Variants in LRCH1 observed in about 807,000 individuals in gnomAD.
The protein encoded by LRCH1 is leucine rich repeats and calponin homology domain containing 1, also known as leucine-rich repeat and calponin homology domain-containing protein 1.
LRCH1 carries 23 observed loss-of-function variants against 94.9 expected under a neutral mutation model. The ratio of observed to expected loss-of-function variants is 0.24; its 90% CI spans 0.17 to 0.34. LRCH1 has a LOEUF of 0.34. Among genes scored for constraint, LRCH1 ranks in the 10% least tolerant of loss-of-function variants. The pLI, the probability that LRCH1 is intolerant of heterozygous loss-of-function variation, is 1.00. For missense variants in LRCH1, 790 were observed against 945.9 expected, an observed-to-expected ratio of 0.84 and a Z score of 2.16; for synonymous variants, 364 against 354.9, an observed-to-expected ratio of 1.03 and a Z score of -0.29.
intron 1 of LRCH1, among the ~76,000 whole-genome samples, chr13:46,577,541 C>A (rs1256621632): frequency 6.6e-6 from 1 of 152,160 alleles, no homozygotes; most frequent in Non-Finnish European, 1.5e-5. Flanking sequence ...ACAGGTCCTA[C>A]CTATACTCAA....
chr13:46,712,154 G>T (rs894213680), intron 14 of LRCH1, among the ~76,000 whole-genome samples: 8 of 152,210 alleles, frequency 5.3e-5, no homozygotes, highest in African/African-American at 1.7e-4. Context: ...GTGTGATTCA[G>T]TATTACTGAG....
At chr13:46,658,839 A>G (rs1027754131) in intron 2 of LRCH1, among the ~76,000 whole-genome samples, 17 of 152,182 alleles carry the variant, frequency 1.1e-4, no homozygotes, top group African/African-American at 3.9e-4. Flanking sequence ...TAATTTAGTT[A>G]TATTGTGTCA....
At chr13:46,565,517 T>C (rs1327619901) in intron 1 of LRCH1, among the ~76,000 whole-genome samples, 1 of 152,120 alleles carries the variant, frequency 6.6e-6, no homozygotes, top group African/African-American at 2.4e-5. Flanking sequence ...AGGTTTGATT[T>C]AATTTCTGCT....
chr13:46,570,648 A>G (rs979039255), intron 1 of LRCH1, among the ~76,000 whole-genome samples: 1 of 152,276 alleles, frequency 6.6e-6, no homozygotes, highest in Non-Finnish European at 1.5e-5. Context: ...AACAAAAACA[A>G]AAGTTCCTTT....
chr13:46,553,388 C>G lies in LRCH1; in HGVS notation c.-9C>G, dbSNP rs781211874. 9.8e-6 allele frequency: 15 copies of G among 1,526,590 alleles called. No homozygotes were observed. The South Asian group carries it at 1.7e-4, about 17-fold the overall frequency. The allele number at this position is 1,526,590 out of a possible 1,614,324, so 94.6% of individuals were successfully genotyped here. On this transcript the variant is annotated 5_prime_UTR_variant, in exon 1 of 20. Coordinates refer to ENST00000389797, the MANE Select transcript of LRCH1 (RefSeq NM_001164211.2). Reference sequence around the variant, plus strand: ...AGCGGCGGGGCGGGGTGGGGGGGCCCGGGAGAAGATGGCGACGCCGGGAAG... The same window carrying G: ...AGCGGCGGGGCGGGGTGGGGGGGCCGGGGAGAAGATGGCGACGCCGGGAAG...
intron 1 of LRCH1, among the ~76,000 whole-genome samples, chr13:46,614,275 C>G (rs924447968): frequency 2.0e-5 from 3 of 152,164 alleles, no homozygotes; most frequent in Non-Finnish European, 4.4e-5. Flanking sequence ...TTCCCTGCCC[C>G]TCCCGATTAT....
At chr13:46,574,935 A>C (rs1250266285) in intron 1 of LRCH1, among the ~76,000 whole-genome samples, 1 of 151,194 alleles carries the variant, frequency 6.6e-6, no homozygotes, top group African/African-American at 2.4e-5. Context: ...TGGCAGTGGT[A>C]ATAATAAATA....
chr13:46,658,986 C>T (rs990003199), intron 2 of LRCH1, among the ~76,000 whole-genome samples: 11 of 152,074 alleles, frequency 7.2e-5, no homozygotes, highest in African/African-American at 2.4e-4. Context: ...ATAGTAAGTA[C>T]AGCAAATTTA....
chr13:46,656,199 A>G (rs2051367801), intron 2 of LRCH1, among the ~76,000 whole-genome samples: 1 of 152,230 alleles, frequency 6.6e-6, no homozygotes, highest in Non-Finnish European at 1.5e-5. Context: ...CTTAGAAAAC[A>G]CAGACTTTAT....
chr13:46,626,524 C>T (rs992422699), intron 1 of LRCH1, among the ~76,000 whole-genome samples: 2 of 152,210 alleles, frequency 1.3e-5, no homozygotes, highest in African/African-American at 4.8e-5. Context: ...GAGATCCACT[C>T]CTGCCCGCAA....
chr13:46,614,519 G>A (rs1424723875), intron 1 of LRCH1, among the ~76,000 whole-genome samples: 1 of 152,066 alleles, frequency 6.6e-6, no homozygotes, highest in African/African-American at 2.4e-5. Context: ...GTTCTTAGAG[G>A]GAAAAGCATG....
At chr13:46,690,365 C>A (rs116849836) in intron 7 of LRCH1, among the ~76,000 whole-genome samples, 2 of 152,120 alleles carry the variant, frequency 1.3e-5, no homozygotes, top group African/African-American at 2.4e-5. Flanking sequence ...TTTAATTCAT[C>A]CTCTTCAACT....
chr13:46,591,097 G>A (rs1211195852), intron 1 of LRCH1, among the ~76,000 whole-genome samples: 1 of 152,038 alleles, frequency 6.6e-6, no homozygotes, highest in African/African-American at 2.4e-5. Flanking sequence ...TGGACATTCA[G>A]ATTGGCCCTA....
chr13:46,575,579 A>G (rs2050296038), intron 1 of LRCH1, among the ~76,000 whole-genome samples: 1 of 150,488 alleles, frequency 6.6e-6, no homozygotes, highest in African/African-American at 2.5e-5. Flanking sequence ...CCTACTTGCA[A>G]AAATCCTCCA....
intron 8 of LRCH1, 103 bp from the exon 9 acceptor site, chr13:46,694,790 A>G (rs1325231061): frequency 1.6e-6 from 2 of 1,269,884 alleles, no homozygotes; most frequent in Non-Finnish European, 2.2e-6. Flanking sequence ...TTCATAGGGA[A>G]CACAGAAGAC....
At chr13:46,661,447 G>A (rs190917661) in intron 2 of LRCH1, among the ~76,000 whole-genome samples, 2 of 152,332 alleles carry the variant, frequency 1.3e-5, no homozygotes, top group Admixed American at 6.5e-5. Context: ...GTGGCATGCT[G>A]TGTCATCATG....
chr13:46,604,114 C>A (rs2050662426), intron 1 of LRCH1, among the ~76,000 whole-genome samples: 1 of 152,174 alleles, frequency 6.6e-6, no homozygotes, highest in South Asian at 2.1e-4. Context: ...ATACAAGACA[C>A]CCAGTTAAAT....
At chr13:46,717,913 C>CTTGGGAGTTTGAGTTCTCA (rs1369330705) in intron 16 of LRCH1, among the ~76,000 whole-genome samples, 4 of 152,198 alleles carry the variant, frequency 2.6e-5, no homozygotes, top group African/African-American at 9.6e-5. Flanking sequence ...GTAGAAGGTC[C>CTTGGGAGTTTGAGTTCTCA]TTGGGAGTTT....
At chr13:46,641,099 T>C (rs377027273) in intron 1 of LRCH1, among the ~76,000 whole-genome samples, 3 of 152,244 alleles carry the variant, frequency 2.0e-5, no homozygotes, top group East Asian at 3.9e-4. Flanking sequence ...GTTCTGAATG[T>C]GTGCCCCATG....
Sources: allele counts gnomAD v4.1 joint callset (sites outside exome capture counted in the v4.1 genomes callset), GRCh38; gene constraint gnomAD v4.1.1; transcripts MANE v1.5; gene names NCBI Gene and HGNC (gene_info 2026-07-23, HGNC 2026-07-21).